USP5: variants seen among roughly 807,000 people sequenced by gnomAD.
The protein encoded by USP5 is ubiquitin carboxyl-terminal hydrolase 5.
A neutral mutation model predicts 102.5 loss-of-function variants in USP5; 24 were observed. The observed-to-expected ratio is 0.23, with a 90% CI of 0.17 to 0.33. The LOEUF is 0.33. Among genes scored for constraint, USP5 ranks in the 10% least tolerant of loss-of-function variants. The pLI, the probability that USP5 is intolerant of heterozygous loss-of-function variation, is 1.00. For missense variants in USP5, 753 were observed against 1,122.1 expected (o/e 0.67, Z 4.70); for synonymous variants, 460 against 434.8 (o/e 1.06, Z -0.72).
rs1591609123 is a variant in USP5, at chr12:6,861,385, C to T, written c.1499-58C>T. The stretch of plus-strand genomic sequence containing the variant: ...CGGACACAGAGCCAGTAGGGAGAGG[C>T]TAAGGAGGCAAAGAAGCAGCACCCT... On this transcript the variant is annotated intron_variant, in intron 12 of 19. Coordinates refer to ENST00000229268, the MANE Select transcript of USP5 (RefSeq NM_001098536.2). The surrounding 1 kb of genome is among the most constrained non-coding windows in gnomAD (Gnocchi z 4.9). 17 of 1,513,336 alleles carry T rather than the reference C, an allele frequency of 1.1e-5. No individual in the cohort carries two copies. The East Asian group carries it at 3.7e-4, about 33-fold the overall frequency. The allele number at this position is 1,513,336 out of a possible 1,614,324, so 93.7% of individuals were successfully genotyped here.
At chr12:6,859,422 C>T (rs369715672) in intron 8 of USP5, 48 bp from the exon 9 acceptor site, 27 of 1,587,756 alleles carry the variant, frequency 1.7e-5, no homozygotes, top group East Asian at 2.2e-5. Context: ...CCCTTTTCCT[C>T]GGCGCTCAGG....
chr12:6,861,551 A>G lies in USP5; in HGVS notation c.1607A>G (p.Tyr536Cys), dbSNP rs1555129574. The G allele has an allele frequency of 1.2e-6, 2 of 1,601,196 alleles. No homozygotes were observed. Among genetic ancestry groups the G allele is most frequent in the Non-Finnish European group, 1.7e-6 (2 of 1,169,766 alleles). Residue 536 changes from tyrosine to cysteine, a missense_variant, in exon 13 of 20, where the codon TAC becomes TGC. By Grantham distance (194) the Tyr-to-Cys change is radical. Transcript: ENST00000229268. The surrounding 1 kb of genome is among the most constrained non-coding windows in gnomAD (Gnocchi z 4.9). ...CCCTTCAGCTCTTGCCTGGAGGCCT[A>G]CGGGGCCCCTGAGCAGGTCGATGAC... ...QVPFSSCLEA[Y>C]GAPEQVDDFW...
intron 1 of USP5, 135 bp downstream of exon 1, chr12:6,852,425 C>T: frequency 1.1e-6 from 1 of 921,142 alleles, no homozygotes; most frequent in Non-Finnish European, 1.6e-6. Flanking sequence ...ACGCTCCACT[C>T]TGCCGTTGCC....
Position 6,860,258 on chromosome 12 carries a change from C to G in USP5, c.1218+20C>G, listed in dbSNP as rs369075638. 2.5e-6 allele frequency: 4 copies of G among 1,610,778 alleles called. No individual in the cohort carries two copies. The highest frequency in any genetic ancestry group is 1.1e-5 in the South Asian group (1 of 90,980). On this transcript the variant is annotated intron_variant, in intron 10 of 19. Coordinates refer to ENST00000229268, the MANE Select transcript of USP5 (RefSeq NM_001098536.2). The surrounding 1 kb of genome is among the most constrained non-coding windows in gnomAD (Gnocchi z 5.5). ...CAGAAGGTGCGTCTAGGACCCTGTCCCTTTCAGGCCCTGGGATTGTGGGGA... is the reference window on the plus strand; with the variant it reads ...CAGAAGGTGCGTCTAGGACCCTGTCGCTTTCAGGCCCTGGGATTGTGGGGA...
chr12:6,865,327 C>A, intron 19 of USP5, 79 bp downstream of exon 19: 1 of 1,339,442 alleles, frequency 7.5e-7, no homozygotes, highest in Non-Finnish European at 1.1e-6. Flanking sequence ...CTTGGGATAG[C>A]TATGGGAGAA....
At position 6,858,005 on chromosome 12, in the gene USP5, G is replaced by A. The variant is rs782174824; in HGVS notation, c.864+282G>A. Among the ~76,000 whole-genome samples the A allele has an allele frequency of 2.0e-5, 3 of 152,298 alleles. No individual in the cohort carries two copies. The highest frequency in any genetic ancestry group is 4.4e-5 in the Non-Finnish European group (3 of 68,020). On this transcript the variant is annotated intron_variant, in intron 7 of 19. Transcript: ENST00000229268. This position sits in a 1 kb window ranked among gnomAD's most constrained non-coding sequence, Gnocchi z 4.2. ...ATTAGTCACATTCCCAGATAAATAA[G>A]TGAATAGTTGCAAACTGGTGGGCAC...
At position 6,861,327 on chromosome 12, in the gene USP5, G is replaced by A; in HGVS notation, c.1499-116G>A. 1.5e-6 allele frequency: 2 copies of A among 1,342,716 alleles called. No homozygotes were observed. Among genetic ancestry groups the A allele is most frequent in the Non-Finnish European group, 2.0e-6 (2 of 984,096 alleles). 83.2% of individuals were successfully genotyped at this position (1,342,716 alleles called of 1,614,324 possible). A position where few individuals can be genotyped will look rare whatever the true frequency, so the allele number is the denominator to read the frequency against. ...GGCGAGATATATTGGACATGTGTCAGGGGTGCTTTGGAAGGGTAGAGGAAC... is the reference window on the plus strand; with the variant it reads ...GGCGAGATATATTGGACATGTGTCAAGGGTGCTTTGGAAGGGTAGAGGAAC... On this transcript the variant is annotated intron_variant, in intron 12 of 19. Transcript: ENST00000229268. This position sits in a 1 kb window ranked among gnomAD's most constrained non-coding sequence, Gnocchi z 4.9.
chr12:6,859,615 G>C lies in USP5; in HGVS notation c.1130+74G>C, dbSNP rs1456682553. ...ATACCTTCCTCCTCCCTGACCGCCTGGGGGGCACAGCACTTTAACCCCTGG... is the reference window on the plus strand; with the variant it reads ...ATACCTTCCTCCTCCCTGACCGCCTCGGGGGCACAGCACTTTAACCCCTGG... On this transcript the variant is annotated intron_variant, in intron 9 of 19. Coordinates refer to ENST00000229268, the MANE Select transcript of USP5 (RefSeq NM_001098536.2). 1.3e-5 allele frequency: 18 copies of C among 1,428,020 alleles called. No homozygotes were observed. In the African/African-American group the frequency reaches 1.3e-4, roughly 10 times the overall value. 88.5% of individuals were successfully genotyped at this position (1,428,020 alleles called of 1,614,324 possible).
Position 6,865,993 on chromosome 12 carries a change from C to T in USP5, c.2493C>T (p.Ile831=). Reference sequence around the variant, plus strand: ...TTCCCCACTTCCCCAGATGGGTGATCTACAATGACCAGAAAGTGTGTGCCT... The same window carrying T: ...TTCCCCACTTCCCCAGATGGGTGATTTACAATGACCAGAAAGTGTGTGCCT... ...CHIKKEGRWV[I]YNDQKVCASE... Residue 831 remains isoleucine, a synonymous_variant, in exon 20 of 20, where the codon ATC becomes ATT. Transcript: ENST00000229268. 1 of 1,614,114 alleles carries T rather than the reference C, an allele frequency of 6.2e-7. No homozygotes were observed. The highest frequency in any genetic ancestry group is 8.5e-7 in the Non-Finnish European group (1 of 1,180,000).
chr12:6,858,579 G>T lies in USP5; in HGVS notation c.1020G>T (p.Val340=). The change falls in exon 8 of 20, where the codon GTG becomes GTT. Residue 340 remains valine (V), a synonymous_variant. Coordinates refer to ENST00000229268, the MANE Select transcript of USP5 (RefSeq NM_001098536.2). The surrounding 1 kb of genome is among the most constrained non-coding windows in gnomAD (Gnocchi z 4.2). ...NLGNSCYLNS[V]VQVLFSIPDF... is the part of the protein sequence containing the mutation. The stretch of plus-strand genomic sequence containing the variant: ...GTAACAGCTGCTACCTCAACTCTGT[G>T]GTCCAGGTGCTCTTCAGCATCCCTG... 1 of 1,612,564 alleles carries T rather than the reference G, an allele frequency of 6.2e-7. No homozygotes were observed. The highest frequency in any genetic ancestry group is 8.5e-7 in the Non-Finnish European group (1 of 1,178,674).
At chr12:6,857,479 C>T (rs1944151952) in intron 6 of USP5, 150 bp from the exon 7 acceptor site, 1 of 629,012 alleles carries the variant, frequency 1.6e-6, no homozygotes, top group African/African-American at 1.8e-5. Context: ...CATGACCGCA[C>T]TCATATTACT....
At chr12:6,854,331 C>CTGGG (rs1269754382) in intron 1 of USP5, among the ~76,000 whole-genome samples, 1 of 152,096 alleles carries the variant, frequency 6.6e-6, no homozygotes, top group Non-Finnish European at 1.5e-5. Context: ...CCCTGCCAGA[C>CTGGG]TGGGTGCATG....
rs1306604523 is a variant in USP5, at chr12:6,860,518, C to G, written c.1344+27C>G. ...TAAGGGCTGGCAAGATGGCACACCCCCATCTTCCTGCAATTTACTCGCTCT... is the reference window on the plus strand; with the variant it reads ...TAAGGGCTGGCAAGATGGCACACCCGCATCTTCCTGCAATTTACTCGCTCT... On this transcript the variant is annotated intron_variant, in intron 11 of 19. Transcript: ENST00000229268. This position sits in a 1 kb window ranked among gnomAD's most constrained non-coding sequence, Gnocchi z 5.5. 6.2e-7 allele frequency: 1 copy of G among 1,612,360 alleles called. No individual in the cohort carries two copies. Among genetic ancestry groups the G allele is most frequent in the East Asian group, 2.2e-5 (1 of 44,872 alleles).
rs1189237635 is a variant in USP5, at chr12:6,855,537, G to T, written c.237+11G>T. ...CGGACCCGGCGCCCGGTAGGAGCAG[G>T]GCTGGGGCAAGGCCTGGGTACATTG... On this transcript the variant is annotated intron_variant, in intron 2 of 19. Coordinates refer to ENST00000229268, the MANE Select transcript of USP5 (RefSeq NM_001098536.2). The surrounding 1 kb of genome is among the most constrained non-coding windows in gnomAD (Gnocchi z 4.6). 1.9e-6 allele frequency: 3 copies of T among 1,613,930 alleles called. No homozygotes were observed. The highest frequency in any genetic ancestry group is 2.5e-6 in the Non-Finnish European group (3 of 1,180,006).
chr12:6,857,728 G>A lies in USP5; in HGVS notation c.864+5G>A, dbSNP rs1233427102. On this transcript the variant is annotated splice_donor_5th_base_variant and intron_variant, in intron 7 of 19. Coordinates refer to ENST00000229268, the MANE Select transcript of USP5 (RefSeq NM_001098536.2). ...GACATGCTGAAGATGCAGAAGGTGAGACCCCCTTCAACTTCAGATTCTTCT... is the reference window on the plus strand; with the variant it reads ...GACATGCTGAAGATGCAGAAGGTGAAACCCCCTTCAACTTCAGATTCTTCT... 1 of 1,613,954 alleles carries A rather than the reference G, an allele frequency of 6.2e-7. No homozygotes were observed. Among genetic ancestry groups the A allele is most frequent in the East Asian group, 2.2e-5 (1 of 44,896 alleles).
At position 6,862,653 on chromosome 12, in the gene USP5, G is replaced by C. The variant is rs139833814; in HGVS notation, c.1762+95G>C. Reference sequence around the variant, plus strand: ...ACTAGTGTTTCTCAAAGTTTCCTCTGAAAGAGGAAAAAAAATCACCTTCAA... The same window carrying C: ...ACTAGTGTTTCTCAAAGTTTCCTCTCAAAGAGGAAAAAAAATCACCTTCAA... On this transcript the variant is annotated intron_variant, in intron 14 of 19. Coordinates refer to ENST00000229268, the MANE Select transcript of USP5 (RefSeq NM_001098536.2). 2,480 of 1,147,672 alleles carry C rather than the reference G, an allele frequency of 2.2e-3. 46 individuals carry two copies. In the African/African-American group the frequency reaches 0.033, roughly 15 times the overall value. The allele number at this position is 1,147,672 out of a possible 1,614,324, so 71.1% of individuals were successfully genotyped here.
chr12:6,859,587 C>T (rs371130532), intron 9 of USP5, 46 bp downstream of exon 9: 29 of 1,587,108 alleles, frequency 1.8e-5, no homozygotes, highest in African/African-American at 4.0e-5. Context: ...CAGTCATGGC[C>T]GTATACCTTC....
At position 6,863,772 on chromosome 12, in the gene USP5, AG is replaced by A; in HGVS notation, c.1955-56del. On this transcript the variant is annotated intron_variant, in intron 15 of 19. Coordinates refer to ENST00000229268, the MANE Select transcript of USP5 (RefSeq NM_001098536.2). The surrounding 1 kb of genome is among the most constrained non-coding windows in gnomAD (Gnocchi z 4.7). ...AAGAGGGCTGGGTCCTGGGGGAGGG[AG>A]GAGGAGCAAACAGTGGCCCAATCAG... 1 of 1,510,710 alleles carries A rather than the reference AG, an allele frequency of 6.6e-7. No homozygotes were observed. The highest frequency in any genetic ancestry group is 8.9e-7 in the Non-Finnish European group (1 of 1,127,352). 93.6% of individuals were successfully genotyped at this position (1,510,710 alleles called of 1,614,324 possible). A position where few individuals can be genotyped will look rare whatever the true frequency, so the allele number is the denominator to read the frequency against.
rs147089551 is a variant in USP5, at chr12:6,857,254, C to G, written c.769+363C>G. ...GAGGCTGCAGTGAGCTATGATTGCA[C>G]CACTGGACTCCAGCCTGGGCTACAG... is the stretch of plus-strand genomic sequence containing the variant. On this transcript the variant is annotated intron_variant, in intron 6 of 19. Transcript: ENST00000229268. 9.9e-3 allele frequency: 3,283 copies of G among 330,370 alleles called. 118 individuals are homozygous for G. The highest frequency in any genetic ancestry group is 0.08 in the Admixed American group (1,744 of 21,802). 20.5% of individuals were successfully genotyped at this position (330,370 alleles called of 1,614,324 possible).
Sources: gnomAD v4.1 joint callset for allele counts (sites outside exome capture counted in the v4.1 genomes callset) on GRCh38, gnomAD v4.1.1 for gene constraint, Gnocchi (gnomAD v3.1) non-coding constraint, MANE v1.5 for transcripts, NCBI Gene and HGNC (gene_info 2026-07-23, HGNC 2026-07-21) for gene names.